COBL: variants seen among roughly 807,000 people sequenced by gnomAD.
COBL encodes cordon-bleu WH2 repeat protein.
In COBL, 51 loss-of-function variants were observed where a neutral mutation model predicts 98.8. That is an observed-to-expected ratio of 0.52 (90% CI 0.41 to 0.65). The LOEUF (loss-of-function observed/expected upper bound fraction) is 0.65, where lower values mean the gene tolerates loss of function less well. Among genes scored for constraint, COBL ranks in the 30% least tolerant of loss-of-function variants. The pLI is 0.00. For synonymous variants in COBL, 634 were observed against 651.7 expected, an observed-to-expected ratio of 0.97 and a Z score of 0.41; for missense variants, 1,617 against 1,617.5, an observed-to-expected ratio of 1.00 and a Z score of 0.01.
chr7:51,143,149 A>G (rs1279182427), intron 5 of COBL, among the ~76,000 whole-genome samples: 1 of 152,174 alleles, frequency 6.6e-6, no homozygotes, highest in Non-Finnish European at 1.5e-5. Context: ...GGGGCTTGGC[A>G]GCAGCAGAGA....
Position 51,299,678 on chromosome 7 carries a change from T to C in COBL, c.41+16915A>G, listed in dbSNP as rs533717117. The stretch of plus-strand genomic sequence containing the variant: ...AGGCCGCTGCCAGGCTTCATGGCTA[T>C]AGGGGTGGGCTGTCATCCTGAGCAA... On this transcript the variant is annotated intron_variant, in intron 1 of 12. Transcript: ENST00000265136. Among the ~76,000 whole-genome samples the C allele has an allele frequency of 4.6e-5, 7 of 152,318 alleles. No individual in the cohort carries two copies. In the East Asian group the frequency reaches 1.4e-3, roughly 29 times the overall value.
At chr7:51,149,773 T>C (rs1423425190) in intron 5 of COBL, among the ~76,000 whole-genome samples, 1 of 152,116 alleles carries the variant, frequency 6.6e-6, no homozygotes, top group African/African-American at 2.4e-5. Context: ...GCCTGGCTAA[T>C]TATTGTATTC....
At chr7:51,188,757 T>C (rs1168177598) in intron 4 of COBL, among the ~76,000 whole-genome samples, 1 of 152,176 alleles carries the variant, frequency 6.6e-6, no homozygotes, top group Non-Finnish European at 1.5e-5. Context: ...GAAGAGATGC[T>C]CTGGGCCCCT....
Position 51,017,425 on chromosome 7 carries a change from T to G in COBL, c.*126A>C. On this transcript the variant is annotated 3_prime_UTR_variant, in exon 13 of 13. Coordinates refer to ENST00000265136, the MANE Select transcript of COBL (RefSeq NM_015198.5). ...ACAGGAACACACCGAAAATCAACTG[T>G]GCGCATTTGGCCTGTAGACAAGAAA... The G allele has an allele frequency of 2.6e-6, 2 of 781,864 alleles. No homozygotes were observed. The highest frequency in any genetic ancestry group is 2.8e-5 in the South Asian group (2 of 71,442). 48.4% of individuals were successfully genotyped at this position (781,864 alleles called of 1,614,324 possible).
chr7:51,187,346 A>G (rs899139638), intron 4 of COBL, among the ~76,000 whole-genome samples: 3 of 151,104 alleles, frequency 2.0e-5, no homozygotes, highest in Admixed American at 2.0e-4. Context: ...ACACACACAC[A>G]CACACACACA....
At chr7:51,291,327 G>C (rs978333470) in intron 1 of COBL, among the ~76,000 whole-genome samples, 6 of 152,172 alleles carry the variant, frequency 3.9e-5, no homozygotes, top group African/African-American at 1.4e-4. Flanking sequence ...GTCCTAGCCA[G>C]GAGTCCTAGC....
chr7:51,034,486 G>A (rs1194643471), intron 8 of COBL: 1 of 152,260 alleles, frequency 6.6e-6, no homozygotes, highest in Non-Finnish European at 1.5e-5. Context: ...CAGAGCCAAT[G>A]GCAATGTAGT....
intron 7 of COBL, chr7:51,065,288 G>A (rs1165866081): frequency 1.4e-6 from 1 of 703,482 alleles, no homozygotes; most frequent in Admixed American, 2.0e-5. Flanking sequence ...AGTGACTGGG[G>A]AAATGGGGAG....
In COBL at chr7:51,044,878, T is replaced by C. The variant is rs552826266; in HGVS notation, c.1097-1186A>G. On this transcript the variant is annotated intron_variant, in intron 7 of 12. Transcript: ENST00000265136. ...AAAATCCCATCAGGTGATGGTATAT[T>C]TGAGATTCCAAACAATAAAACAAAT... Among the ~76,000 whole-genome samples the C allele has an allele frequency of 7.2e-5, 11 of 152,318 alleles. No individual in the cohort carries two copies. The South Asian group carries it at 2.1e-3, about 29-fold the overall frequency.
chr7:51,263,604 T>C (rs1226348106), intron 1 of COBL, among the ~76,000 whole-genome samples: 1 of 152,006 alleles, frequency 6.6e-6, no homozygotes, highest in Non-Finnish European at 1.5e-5. Flanking sequence ...AGCCCACACC[T>C]GAGTGCTTTT....
At chr7:51,230,486 T>C (rs1045522130) in intron 1 of COBL, among the ~76,000 whole-genome samples, 5 of 152,062 alleles carry the variant, frequency 3.3e-5, no homozygotes, top group Non-Finnish European at 5.9e-5. Context: ...TCCCCACACA[T>C]GGGATTCTAT....
intron 6 of COBL, among the ~76,000 whole-genome samples, chr7:51,135,193 C>T (rs1047916451): frequency 6.6e-6 from 1 of 152,180 alleles, no homozygotes; most frequent in African/African-American, 2.4e-5. Context: ...GAACTCCTGA[C>T]CTCAGGTGAT....
intron 7 of COBL, among the ~76,000 whole-genome samples, chr7:51,054,518 G>A (rs1256739469): frequency 1.3e-5 from 2 of 152,090 alleles, no homozygotes; most frequent in Non-Finnish European, 2.9e-5. Context: ...CTTTCTGACT[G>A]CCTGGCCTGG....
intron 6 of COBL, among the ~76,000 whole-genome samples, chr7:51,125,693 CT>C (rs1428921714): frequency 3.3e-5 from 5 of 152,138 alleles, no homozygotes; most frequent in Non-Finnish European, 7.4e-5. Context: ...TAGGAAAACA[CT>C]AAATATAACT....
intron 5 of COBL, among the ~76,000 whole-genome samples, chr7:51,142,322 T>C (rs1318733444): frequency 6.6e-6 from 1 of 152,106 alleles, no homozygotes; most frequent in Admixed American, 6.5e-5. Flanking sequence ...CTCTGATGGT[T>C]TCTCGCCTGG....
intron 1 of COBL, among the ~76,000 whole-genome samples, chr7:51,234,537 C>T (rs978884201): frequency 2.0e-5 from 3 of 151,948 alleles, no homozygotes; most frequent in South Asian, 2.1e-4. Context: ...CCCCTCTCTA[C>T]GAAAAATACA....
intron 6 of COBL, among the ~76,000 whole-genome samples, chr7:51,132,572 G>C (rs971847484): frequency 1.6e-4 from 24 of 152,258 alleles, no homozygotes; most frequent in African/African-American, 5.8e-4. Flanking sequence ...GCAAATAAGA[G>C]GAAAACAAAC....
At chr7:51,217,649 G>A (rs1203325489) in intron 2 of COBL, among the ~76,000 whole-genome samples, 1 of 152,034 alleles carries the variant, frequency 6.6e-6, no homozygotes, top group East Asian at 1.9e-4. Context: ...GGCCCACAAT[G>A]CCATTTTCTA....
At chr7:51,040,335 CA>C (rs1263870173) in intron 8 of COBL, among the ~76,000 whole-genome samples, 1 of 151,998 alleles carries the variant, frequency 6.6e-6, no homozygotes, top group African/African-American at 2.4e-5. Flanking sequence ...AACTCTTTGG[CA>C]AATAACCCAG....
Sources: allele counts gnomAD v4.1 joint callset (sites outside exome capture counted in the v4.1 genomes callset), GRCh38; gene constraint gnomAD v4.1.1; transcripts MANE v1.5; gene names NCBI Gene and HGNC (gene_info 2026-07-23, HGNC 2026-07-21).